HLCS: variants seen among roughly 807,000 people sequenced by gnomAD.
The protein encoded by HLCS is biotin--protein ligase.
In HLCS, 53 loss-of-function variants were observed where a neutral mutation model predicts 75.0. That is an observed-to-expected ratio of 0.71 (90% CI 0.57 to 0.89). The LOEUF (loss-of-function observed/expected upper bound fraction) is 0.89, where lower values mean the gene tolerates loss of function less well. HLCS is among the 40% of genes least tolerant of loss of function. HLCS has a pLI of 0.00. For synonymous variants in HLCS, 431 were observed against 428.6 expected (o/e 1.01, Z -0.07); for missense variants, 966 against 1,074.0 (o/e 0.90, Z 1.41).
chr21:36,823,610 G>GT (rs2061911950), intron 6 of HLCS, among the ~76,000 whole-genome samples: 9 of 132,834 alleles, frequency 6.8e-5, no homozygotes, highest in African/African-American at 2.2e-4. Flanking sequence ...AAACGTGCAG[G>GT]GTGTGTGTGT....
At chr21:36,884,397 C>T (rs765354421) in intron 6 of HLCS, among the ~76,000 whole-genome samples, 6 of 152,218 alleles carry the variant, frequency 3.9e-5, no homozygotes, top group Non-Finnish European at 5.9e-5. Context: ...CAGAGCCTGC[C>T]CTGCTTTCAG....
At chr21:36,969,283 G>C (rs1325025894), upstream of HLCS, among the ~76,000 whole-genome samples, 4 of 152,130 alleles carry the variant, frequency 2.6e-5, no homozygotes, top group Non-Finnish European at 5.9e-5. Flanking sequence ...AATACACCAA[G>C]GGATATTAAT....
At chr21:36,819,061 C>G (rs1601386285) in intron 6 of HLCS, among the ~76,000 whole-genome samples, 1 of 152,140 alleles carries the variant, frequency 6.6e-6, no homozygotes, top group Non-Finnish European at 1.5e-5. Flanking sequence ...CCCTACAGAA[C>G]TGGCAGGAAG....
In HLCS at chr21:36,756,585, G is replaced by A. The variant is rs538159086; in HGVS notation, c.2407C>T (p.Pro803Ser). 5.8e-5 allele frequency: 94 copies of A among 1,613,902 alleles called. 1 individual carries two copies. In the South Asian group the frequency reaches 9.3e-4, roughly 16 times the overall value. Residue 803 changes from proline to serine, a missense_variant, in exon 10 of 11, where the codon CCC (proline) becomes TCC (serine). By Grantham distance (74) the Pro-to-Ser change is moderately conservative (BLOSUM62 -1). Transcript: ENST00000674895. ...KLIKEFQDKGPNSVLPLYYRY... is the reference protein window; with the variant it reads ...KLIKEFQDKGSNSVLPLYYRY... ...TAATAAAGGGGAAGGACGCTGTTGG[G>A]CCCTTTGTCCTGAAACTCTTTGATC...
chr21:36,923,437 C>G (rs181974901), intron 5 of HLCS, among the ~76,000 whole-genome samples: 74 of 152,230 alleles, frequency 4.9e-4, no homozygotes, highest in African/African-American at 1.6e-3. Context: ...GGATGCTATC[C>G]CAAGAAGGAA....
intron 6 of HLCS, among the ~76,000 whole-genome samples, chr21:36,774,627 T>G (rs147207435): frequency 6.1e-4 from 93 of 152,254 alleles, no homozygotes; most frequent in African/African-American, 2.1e-3. Flanking sequence ...GTTTTACGAC[T>G]CCTCAAAAAT....
At chr21:36,765,281 C>G in intron 7 of HLCS, 109 bp from the exon 8 acceptor site, 1 of 994,284 alleles carries the variant, frequency 1.0e-6, no homozygotes, top group Non-Finnish European at 1.6e-6. Flanking sequence ...TATTACAATG[C>G]TTATTGTATT....
At chr21:36,775,597 T>C (rs1465222101) in intron 6 of HLCS, among the ~76,000 whole-genome samples, 1 of 152,228 alleles carries the variant, frequency 6.6e-6, no homozygotes, top group African/African-American at 2.4e-5. Context: ...TGCACACCAG[T>C]ACTCAGACTA....
At chr21:36,787,825 G>A (rs929499796) in intron 6 of HLCS, among the ~76,000 whole-genome samples, 6 of 152,150 alleles carry the variant, frequency 3.9e-5, no homozygotes, top group African/African-American at 1.2e-4. Flanking sequence ...AGCTGTCAGG[G>A]TTACGTAGAC....
chr21:36,773,570 T>C (rs1675543512), intron 6 of HLCS, among the ~76,000 whole-genome samples: 3 of 152,246 alleles, frequency 2.0e-5, no homozygotes, highest in South Asian at 2.1e-4. Context: ...CCTCAGCTCA[T>C]GGTCCTGGCC....
intron 8 of HLCS, among the ~76,000 whole-genome samples, chr21:36,762,452 C>T (rs551736741): frequency 1.4e-4 from 21 of 152,198 alleles, no homozygotes; most frequent in South Asian, 1.0e-3. Flanking sequence ...AGGCGAGTTC[C>T]GGAAGGAATG....
chr21:36,928,509 G>T (rs1230216466), intron 5 of HLCS, among the ~76,000 whole-genome samples: 1 of 152,198 alleles, frequency 6.6e-6, no homozygotes, highest in Non-Finnish European at 1.5e-5. Flanking sequence ...GGTGGAGGCT[G>T]CAGTGAGCCA....
At chr21:36,840,384 T>C (rs2062575012) in intron 6 of HLCS, among the ~76,000 whole-genome samples, 2 of 152,160 alleles carry the variant, frequency 1.3e-5, no homozygotes, top group Non-Finnish European at 2.9e-5. Flanking sequence ...ATATCCTCTA[T>C]GGAAAAATAT....
chr21:36,819,166 G>T (rs1033679266), intron 6 of HLCS, among the ~76,000 whole-genome samples: 3 of 152,296 alleles, frequency 2.0e-5, no homozygotes, highest in Admixed American at 6.5e-5. Flanking sequence ...TTAAATGAAT[G>T]AATTAAAGAG....
intron 6 of HLCS, among the ~76,000 whole-genome samples, chr21:36,870,932 T>C (rs533533825): frequency 6.6e-6 from 1 of 152,224 alleles, no homozygotes; most frequent in African/African-American, 2.4e-5. Context: ...AACTGGAGCC[T>C]TAGAGAGGCT....
intron 8 of HLCS, among the ~76,000 whole-genome samples, 189 bp from the exon 9 acceptor site, chr21:36,760,030 G>A (rs1480846477): frequency 6.6e-6 from 1 of 152,164 alleles, no homozygotes; most frequent in Non-Finnish European, 1.5e-5. Flanking sequence ...GGAGGTAAAA[G>A]CCCTGAAGAA....
At chr21:36,779,602 C>A (rs185466656) in intron 6 of HLCS, among the ~76,000 whole-genome samples, 8 of 152,136 alleles carry the variant, frequency 5.3e-5, no homozygotes, top group African/African-American at 1.9e-4. Context: ...CATATTACTG[C>A]GAAATCACAC....
rs1223743391 is a variant in HLCS at position 36,938,920 on chromosome 21, T to A, written c.405A>T (p.Ala135=). ...CCAGCTTGCTGAAGTTGTCCACACT[T>A]GCTTCAGCAATTAGCCGATAAGGAT... ...PGDPYRLIAE[A]SVDNFSKLGV... Residue 135 remains alanine (A), a synonymous_variant, in exon 3 of 11, where the codon GCA becomes GCT. Transcript: ENST00000674895. 1.2e-6 allele frequency: 2 copies of A among 1,613,980 alleles called. No homozygotes were observed. Among genetic ancestry groups the A allele is most frequent in the South Asian group, 2.2e-5 (2 of 91,084 alleles).
At chr21:36,781,306 A>G (rs1049064062) in intron 6 of HLCS, among the ~76,000 whole-genome samples, 1 of 150,640 alleles carries the variant, frequency 6.6e-6, no homozygotes, top group Admixed American at 6.6e-5. Context: ...GTCTAAGTGC[A>G]TTAAATGTAT....
Sources: gnomAD v4.1 joint callset for allele counts (sites outside exome capture counted in the v4.1 genomes callset) on GRCh38, gnomAD v4.1.1 for gene constraint, MANE v1.5 for transcripts, NCBI Gene and HGNC (gene_info 2026-07-23, HGNC 2026-07-21) for gene names.